Variants in OSBPL10 observed in about 807,000 individuals in gnomAD.
OSBPL10 encodes oxysterol binding protein like 10, also known as oxysterol-binding protein-related protein 10.
OSBPL10 carries 49 observed loss-of-function variants against 81.7 expected under a neutral mutation model. The observed-to-expected ratio is 0.60, with a 90% CI of 0.48 to 0.76. The LOEUF (loss-of-function observed/expected upper bound fraction) is 0.76. Among genes scored for constraint, OSBPL10 ranks in the 30% least tolerant of loss-of-function variants. The pLI, the probability that OSBPL10 is intolerant of heterozygous loss-of-function variation, is 0.00. For missense variants in OSBPL10, 923 were observed against 987.8 expected (o/e 0.93, Z 0.88); for synonymous variants, 419 against 383.6 (o/e 1.09, Z -1.08).
At chr3:31,763,919 A>C (rs1205362705) in intron 4 of OSBPL10, among the ~76,000 whole-genome samples, 1 of 152,238 alleles carries the variant, frequency 6.6e-6, no homozygotes, top group African/African-American at 2.4e-5. Flanking sequence ...AATTATGTTA[A>C]GGAATAAGCC....
chr3:32,059,590 CA>C (rs1699740062), intron 1 of OSBPL10, among the ~76,000 whole-genome samples: 1 of 151,136 alleles, frequency 6.6e-6, no homozygotes, highest in Non-Finnish European at 1.5e-5. Flanking sequence ...GACTCCATCT[CA>C]AAAAAACAAA....
rs1381372018 is a variant in OSBPL10 at position 31,911,877 on chromosome 3, AAC to A, written c.282-32049_282-32048del. Among the ~76,000 whole-genome samples the A allele has an allele frequency of 3.3e-5, 5 of 152,294 alleles. No homozygotes were observed. In the East Asian group the frequency reaches 7.7e-4, roughly 24 times the overall value. Reference sequence around the variant, plus strand: ...GGGTTGGCAAGTCTTGCTTATGAATAACAGTCTCAACTAACTAGTACAGGCAG... The same window carrying A: ...GGGTTGGCAAGTCTTGCTTATGAATAAGTCTCAACTAACTAGTACAGGCAG... On this transcript the variant is annotated intron_variant, in intron 1 of 11. Transcript: ENST00000396556.
chr3:31,988,712 G>A lies in OSBPL10; in HGVS notation n.298+57779C>T. On this transcript the variant is annotated intron_variant and non_coding_transcript_variant, in intron 2 of 3. Coordinates refer to the OSBPL10 transcript ENST00000479173. ...CATAAGGATACTCAGGCCACCAATGGATAGCCCAGGCAGGAGGCATGAAGG... is the reference window on the plus strand; with the variant it reads ...CATAAGGATACTCAGGCCACCAATGAATAGCCCAGGCAGGAGGCATGAAGG... 3 of 249,612 alleles carry A rather than the reference G, an allele frequency of 1.2e-5. No individual in the cohort carries two copies. In the South Asian group the frequency reaches 2.1e-4, roughly 18 times the overall value. The allele number at this position is 249,612 out of a possible 1,614,324, so 15.5% of individuals were successfully genotyped here.
At chr3:31,697,503 G>A (rs1695761667) in intron 7 of OSBPL10, among the ~76,000 whole-genome samples, 1 of 152,110 alleles carries the variant, frequency 6.6e-6, no homozygotes. Flanking sequence ...TATTATTCTA[G>A]CTGTTCAGGC....
chr3:31,989,255 A>AC, intron 2 of OSBPL10: 1 of 1,614,142 alleles, frequency 6.2e-7, no homozygotes, highest in Non-Finnish European at 8.5e-7. Flanking sequence ...AACTACAGGA[A>AC]CCTGCATTCT....
intron 1 of OSBPL10, among the ~76,000 whole-genome samples, chr3:31,914,338 TG>T (rs1696683782): frequency 6.6e-6 from 1 of 152,212 alleles, no homozygotes; most frequent in African/African-American, 2.4e-5. Context: ...CAACTAAGTT[TG>T]GGAAACTGAG....
chr3:31,843,820 C>G (rs1419561782), intron 3 of OSBPL10, among the ~76,000 whole-genome samples: 1 of 152,178 alleles, frequency 6.6e-6, no homozygotes, highest in Non-Finnish European at 1.5e-5. Flanking sequence ...GATTGGGTAT[C>G]TCCAAGACAT....
At chr3:31,887,475 T>C (rs1288835157) in intron 1 of OSBPL10, among the ~76,000 whole-genome samples, 1 of 152,010 alleles carries the variant, frequency 6.6e-6, no homozygotes, top group East Asian at 1.9e-4. Context: ...CAGTGTCACA[T>C]AGGAGGTATC....
At chr3:31,972,286 A>C (rs1297471949) in intron 1 of OSBPL10, among the ~76,000 whole-genome samples, 7 of 152,148 alleles carry the variant, frequency 4.6e-5, no homozygotes, top group Non-Finnish European at 1.0e-4. Context: ...CTACTCAGGA[A>C]GCTGTGGCAG....
chr3:31,766,813 T>C (rs1354929612), intron 4 of OSBPL10, among the ~76,000 whole-genome samples: 1 of 152,244 alleles, frequency 6.6e-6, no homozygotes, highest in African/African-American at 2.4e-5. Context: ...ATGACATGAA[T>C]GCCAGGTTAC....
intron 4 of OSBPL10, among the ~76,000 whole-genome samples, chr3:31,772,765 C>A (rs1321454288): frequency 6.6e-6 from 1 of 152,210 alleles, no homozygotes; most frequent in African/African-American, 2.4e-5. Context: ...CACAAAAGCA[C>A]TGCAAGTATC....
chr3:32,025,746 C>G (rs9865217), intron 2 of OSBPL10, among the ~76,000 whole-genome samples: 1 of 152,054 alleles, frequency 6.6e-6, no homozygotes, highest in East Asian at 1.9e-4. Flanking sequence ...AATTCATCTG[C>G]TGTCTAACAG....
chr3:31,743,152 T>C (rs1482583425), intron 5 of OSBPL10, among the ~76,000 whole-genome samples: 2 of 146,746 alleles, frequency 1.4e-5, no homozygotes, highest in South Asian at 2.3e-4. Context: ...GCGAATCTCC[T>C]GCCTCAGCCT....
rs138927974 is a variant in OSBPL10 at position 31,673,929 on chromosome 3, C to T, written c.1727-2946G>A. On this transcript the variant is annotated intron_variant, in intron 8 of 11. Coordinates refer to ENST00000396556, the MANE Select transcript of OSBPL10 (RefSeq NM_017784.5). ...CTGAGTAGCTGGGACTACAAGCATGCACCACCATACCCAACTAATTGAAAA... is the reference window on the plus strand; with the variant it reads ...CTGAGTAGCTGGGACTACAAGCATGTACCACCATACCCAACTAATTGAAAA... 8.9e-3 allele frequency among the ~76,000 whole-genome samples: 1,361 copies of T among 152,088 alleles called. 25 individuals carry two copies. Among genetic ancestry groups the T allele is most frequent in the African/African-American group, 0.03 (1,237 of 41,486 alleles).
intron 4 of OSBPL10, among the ~76,000 whole-genome samples, chr3:31,780,119 C>T (rs1322241536): frequency 6.6e-6 from 1 of 152,106 alleles, no homozygotes; most frequent in African/African-American, 2.4e-5. Flanking sequence ...GGTGAAACCC[C>T]TTCTCTACTA....
chr3:31,794,572 G>A, intron 4 of OSBPL10: 1 of 365,940 alleles, frequency 2.7e-6, no homozygotes, highest in Non-Finnish European at 5.4e-6. Flanking sequence ...CCTTAGTGAG[G>A]TTCAGAGATG....
intron 6 of OSBPL10, among the ~76,000 whole-genome samples, chr3:31,712,319 C>T (rs560204406): frequency 7.4e-4 from 113 of 152,274 alleles, no homozygotes; most frequent in Non-Finnish European, 1.3e-3. Flanking sequence ...GGATAGCAGA[C>T]CCCTGAGCTG....
intron 1 of OSBPL10, among the ~76,000 whole-genome samples, chr3:31,951,888 T>G (rs1309200448): frequency 6.6e-6 from 1 of 152,152 alleles, no homozygotes; most frequent in African/African-American, 2.4e-5. Flanking sequence ...CGTGCTATAC[T>G]CTTAAGATTT....
chr3:31,760,457 C>T (rs1698000929), intron 4 of OSBPL10, among the ~76,000 whole-genome samples: 1 of 152,152 alleles, frequency 6.6e-6, no homozygotes, highest in African/African-American at 2.4e-5. Flanking sequence ...CATATCCTCC[C>T]ATATGCTTTA....
Sources: gnomAD v4.1 joint callset for allele counts (sites outside exome capture counted in the v4.1 genomes callset) on GRCh38, gnomAD v4.1.1 for gene constraint, MANE v1.5 for transcripts, NCBI Gene and HGNC (gene_info 2026-07-23, HGNC 2026-07-21) for gene names.